FREM2: variants seen among roughly 807,000 people sequenced by gnomAD.
The protein encoded by FREM2 is FRAS1 related extracellular matrix 2, also known as FRAS1-related extracellular matrix protein 2.
In FREM2, 119 loss-of-function variants were observed where a neutral mutation model predicts 219.9. That is an observed-to-expected ratio of 0.54 (90% CI 0.47 to 0.63). FREM2 has a LOEUF of 0.63. FREM2 is among the 30% of genes least tolerant of loss of function. FREM2 has a pLI of 0.00. For missense variants in FREM2, 4,030 were observed against 3,993.6 expected (o/e 1.01, Z -0.25); for synonymous variants, 1,562 against 1,522.8 (o/e 1.03, Z -0.60).
chr13:38,862,080 C>A (rs1214815759), intron 15 of FREM2, among the ~76,000 whole-genome samples: 2 of 152,208 alleles, frequency 1.3e-5, no homozygotes, highest in Non-Finnish European at 2.9e-5. Context: ...GCATCAATAA[C>A]TTTATCATAC....
chr13:38,788,620 A>G (rs187668379), intron 6 of FREM2, among the ~76,000 whole-genome samples: 1 of 152,228 alleles, frequency 6.6e-6, no homozygotes, highest in Admixed American at 6.5e-5. Flanking sequence ...ATTTCTTTTC[A>G]TTCACTTATC....
rs1357839556 is a variant in FREM2, at chr13:38,691,053, C to G, written c.3709C>G (p.His1237Asp). The G allele has an allele frequency of 6.2e-7, 1 of 1,614,060 alleles. No homozygotes were observed. Among genetic ancestry groups the G allele is most frequent in the East Asian group, 2.2e-5 (1 of 44,878 alleles). ...FTITQFPTHG[H>D]IMNQLINGTV... is the part of the protein sequence containing the mutation. Reference sequence around the variant, plus strand: ...TATTACCCAATTCCCCACTCATGGTCACATCATGAATCAGCTGATAAATGG... The same window carrying G: ...TATTACCCAATTCCCCACTCATGGTGACATCATGAATCAGCTGATAAATGG... Residue 1237 changes from histidine (H) to aspartate (D), a missense_variant, in exon 1 of 24, where the codon CAC (histidine) becomes GAC (aspartate). By Grantham distance (81) the His-to-Asp change is moderately conservative. Transcript: ENST00000280481.
In FREM2 at chr13:38,867,368, C is replaced by A. The variant is rs150584811; in HGVS notation, c.7983+2762C>A. Among the ~76,000 whole-genome samples the A allele has an allele frequency of 1.8e-3, 279 of 152,274 alleles. 1 individual carries two copies. Among genetic ancestry groups the A allele is most frequent in the Middle Eastern group, 6.8e-3 (2 of 294 alleles). ...TCATGATCAATATCATAGTGATGAC[C>A]AGATTCAGAGTAAATCATTGAGATT... On this transcript the variant is annotated intron_variant, in intron 16 of 23. Transcript: ENST00000280481.
chr13:38,736,159 T>C (rs1157417026), intron 2 of FREM2, among the ~76,000 whole-genome samples: 1 of 152,200 alleles, frequency 6.6e-6, no homozygotes, highest in Non-Finnish European at 1.5e-5. Context: ...GCTCACTTAA[T>C]GATACAAGGT....
chr13:38,689,109 A>G lies in FREM2; in HGVS notation c.1765A>G (p.Met589Val), dbSNP rs955853266. The G allele has an allele frequency of 8.1e-6, 13 of 1,613,894 alleles. No individual in the cohort carries two copies. The highest frequency in any genetic ancestry group is 1.0e-5 in the Non-Finnish European group (12 of 1,180,006). The stretch of plus-strand genomic sequence containing the variant: ...GCCCCTTTCCCTGAGTGCAACTGAC[A>G]TGGATTCAGATGATTCTCTGCTGCT... Reference protein sequence around the residue: ...ILPLSLSATDMDSDDSLLLFV... With the variant: ...ILPLSLSATDVDSDDSLLLFV... Residue 589 changes from methionine (M) to valine (V), a missense_variant, in exon 1 of 24, where the codon ATG becomes GTG. Met to Val is a conservative substitution (Grantham distance 21, BLOSUM62 1). This residue lies in a region of FREM2 where 3,102 missense variants were observed against 2,950.7 expected (regional missense o/e 1.05). Coordinates refer to ENST00000280481, the MANE Select transcript of FREM2 (RefSeq NM_207361.6).
intron 10 of FREM2, 109 bp downstream of exon 10, chr13:38,851,217 C>T (rs1329498135): frequency 2.8e-6 from 3 of 1,067,408 alleles, no homozygotes; most frequent in Non-Finnish European, 4.2e-6. Context: ...TGCTTTATGA[C>T]TAGGGTTTTT....
Position 38,770,991 on chromosome 13 carries a change from C to T in FREM2, c.5641+1183C>T, listed in dbSNP as rs143396683. 5.6e-3 allele frequency among the ~76,000 whole-genome samples: 845 copies of T among 152,242 alleles called. 4 individuals carry two copies. The highest frequency in any genetic ancestry group is 6.5e-3 in the Non-Finnish European group (444 of 68,020). On this transcript the variant is annotated intron_variant, in intron 4 of 23. Coordinates refer to ENST00000280481, the MANE Select transcript of FREM2 (RefSeq NM_207361.6). ...ACATGACTTTCTTTTAAACTTCCAG[C>T]CTACTTTATTTTGTCAGTCAGAAAA...
chr13:38,824,609 C>T (rs190375892), intron 6 of FREM2, among the ~76,000 whole-genome samples: 2 of 151,806 alleles, frequency 1.3e-5, no homozygotes, highest in Admixed American at 1.3e-4. Context: ...TTGGTTGGGT[C>T]AGAGATGAAA....
intron 15 of FREM2, among the ~76,000 whole-genome samples, chr13:38,862,568 A>G (rs920328758): frequency 6.6e-6 from 1 of 152,260 alleles, no homozygotes; most frequent in African/African-American, 2.4e-5. Flanking sequence ...CAGTTCTGCC[A>G]GAAGTGTAGT....
chr13:38,688,781 G>T lies in FREM2; in HGVS notation c.1437G>T (p.Val479=). The change falls in exon 1 of 24, where the codon GTG becomes GTT. Residue 479 remains valine (V), a synonymous_variant. Transcript: ENST00000280481. ...VISDEDDLEA[V]RLEVVAGLRH... ...GCGATGAGGATGACCTAGAAGCAGT[G>T]CGGCTAGAGGTGGTGGCTGGGCTCC... 6.2e-7 allele frequency: 1 copy of T among 1,614,108 alleles called. No homozygotes were observed.
chr13:38,769,578 G>T lies in FREM2; in HGVS notation c.5411G>T (p.Ser1804Ile). Reference sequence around the variant, plus strand: ...AAAATGATATTATGTTTTTGTGAAGGTATTGGCACAAGAGACAGAACTGCA... The same window carrying T: ...AAAATGATATTATGTTTTTGTGAAGTTATTGGCACAAGAGACAGAACTGCA... ...RGYLGETSFI[S>I]IGTRDRTAEK... is the part of the protein sequence containing the mutation. The change falls in exon 4 of 24, where the codon AGT becomes ATT. Residue 1804 changes from serine to isoleucine, a missense_variant and splice_region_variant. By Grantham distance (142) the Ser-to-Ile change is moderately radical. This residue lies in a region of FREM2 where 3,102 missense variants were observed against 2,950.7 expected (regional missense o/e 1.05). Coordinates refer to ENST00000280481, the MANE Select transcript of FREM2 (RefSeq NM_207361.6). The T allele has an allele frequency of 6.2e-7, 1 of 1,609,120 alleles. No individual in the cohort carries two copies. Among genetic ancestry groups the T allele is most frequent in the South Asian group, 1.1e-5 (1 of 90,940 alleles).
chr13:38,716,350 C>T (rs572316863), intron 2 of FREM2, among the ~76,000 whole-genome samples: 13 of 152,278 alleles, frequency 8.5e-5, no homozygotes, highest in African/African-American at 2.9e-4. Flanking sequence ...AATCAGCCTG[C>T]ATCCAGCTTT....
In FREM2 at chr13:38,767,095, A is replaced by G. The variant is rs563270170; in HGVS notation, c.5411-2483A>G. Among the ~76,000 whole-genome samples, 12 of 152,332 alleles carry G rather than the reference A, an allele frequency of 7.9e-5. No homozygotes were observed. In the South Asian group the frequency reaches 2.3e-3, roughly 29 times the overall value. On this transcript the variant is annotated intron_variant, in intron 3 of 23. Coordinates refer to ENST00000280481, the MANE Select transcript of FREM2 (RefSeq NM_207361.6). ...TAAGGGGCAGAGCTGAGATTGGGCA[A>G]AAGGCCCATGCTCTTAATCACTGCA...
intron 6 of FREM2, among the ~76,000 whole-genome samples, chr13:38,845,214 T>G (rs1877106168): frequency 6.6e-6 from 1 of 151,962 alleles, no homozygotes; most frequent in Non-Finnish European, 1.5e-5. Flanking sequence ...TAAAGGTAAT[T>G]TATTTGGGGC....
At chr13:38,799,420 G>A (rs1269313650) in intron 6 of FREM2, among the ~76,000 whole-genome samples, 1 of 152,012 alleles carries the variant, frequency 6.6e-6, no homozygotes, top group African/African-American at 2.4e-5. Flanking sequence ...GTAATGATGA[G>A]AATAATGTAT....
At chr13:38,832,821 G>T (rs768746825) in intron 6 of FREM2, among the ~76,000 whole-genome samples, 2 of 152,098 alleles carry the variant, frequency 1.3e-5, no homozygotes, top group Non-Finnish European at 2.9e-5. Context: ...GAGGCGGACA[G>T]ATCGCTTGAG....
At chr13:38,735,688 G>C (rs769203692) in intron 2 of FREM2, among the ~76,000 whole-genome samples, 4 of 152,150 alleles carry the variant, frequency 2.6e-5, no homozygotes, top group Non-Finnish European at 4.4e-5. Context: ...AAATGTTTTT[G>C]TTACTCCTAA....
chr13:38,790,736 C>T (rs1376111403), intron 6 of FREM2, among the ~76,000 whole-genome samples: 1 of 152,112 alleles, frequency 6.6e-6, no homozygotes, highest in Non-Finnish European at 1.5e-5. Flanking sequence ...ATTACTTTTG[C>T]ATCAATCTAA....
chr13:38,821,985 G>A (rs1021058760), intron 6 of FREM2: 1 of 152,112 alleles, frequency 6.6e-6, no homozygotes, highest in Non-Finnish European at 1.5e-5. Flanking sequence ...GTAAACTGAT[G>A]CTCAGAGTCA....
Sources: allele counts gnomAD v4.1 joint callset (sites outside exome capture counted in the v4.1 genomes callset), GRCh38; gene constraint gnomAD v4.1.1; regional missense constraint gnomAD v4.1.1; transcripts MANE v1.5; gene names NCBI Gene and HGNC (gene_info 2026-07-23, HGNC 2026-07-21).